The following ENTPD1 variants were observed in gnomAD, a reference collection of about 807,000 sequenced individuals.
ENTPD1 encodes the protein ectonucleoside triphosphate diphosphohydrolase 1.
A neutral mutation model predicts 57.0 loss-of-function variants in ENTPD1; 33 were observed. The ratio of observed to expected loss-of-function variants is 0.58; its 90% confidence interval spans 0.44 to 0.77. The LOEUF is 0.77. ENTPD1 is among the 30% of genes least tolerant of loss of function. The pLI, the probability that ENTPD1 is intolerant of heterozygous loss-of-function variation, is 0.00. For synonymous variants in ENTPD1, 202 were observed against 218.8 expected (o/e 0.92, Z 0.68); for missense variants, 501 against 603.4 (o/e 0.83, Z 1.78).
At position 95,724,757 on chromosome 10, in the gene ENTPD1, G is replaced by A. The variant is rs1057413147; in HGVS notation, c.37+12764G>A. Among the ~76,000 whole-genome samples the A allele has an allele frequency of 5.3e-5, 8 of 152,196 alleles. No homozygotes were observed. The South Asian group carries it at 8.3e-4, about 16-fold the overall frequency. The stretch of plus-strand genomic sequence containing the variant: ...CAAACAGCAGTGGTGGATGGCAAGC[G>A]AAAGCTCAGCTCAAGCCATAACAAA... On this transcript the variant is annotated intron_variant, in intron 1 of 9. Coordinates refer to the ENTPD1 transcript ENST00000453258.
At chr10:95,713,109 G>A (rs559986879) in intron 1 of ENTPD1, among the ~76,000 whole-genome samples, 86 of 151,286 alleles carry the variant, frequency 5.7e-4, no homozygotes, top group African/African-American at 1.9e-3. Flanking sequence ...GTGAATTTTC[G>A]GGGATCATGG....
upstream of ENTPD1, among the ~76,000 whole-genome samples, chr10:95,711,437 G>A (rs1171571980): frequency 6.6e-6 from 1 of 152,184 alleles, no homozygotes; most frequent in Admixed American, 6.5e-5. Context: ...CTACATGGCT[G>A]TTCATACTTG....
intron 1 of ENTPD1, among the ~76,000 whole-genome samples, chr10:95,738,702 A>G (rs1408818224): frequency 3.9e-5 from 6 of 152,222 alleles, no homozygotes; most frequent in Non-Finnish European, 8.8e-5. Flanking sequence ...CAGAAGGGTA[A>G]GATGAGAAAA....
chr10:95,863,638 A>G (rs1443288752), intron 8 of ENTPD1, among the ~76,000 whole-genome samples: 1 of 152,236 alleles, frequency 6.6e-6, no homozygotes, highest in Admixed American at 6.5e-5. Flanking sequence ...AACTGGGGAC[A>G]GGCAAGAACC....
chr10:95,724,403 A>C (rs1423235726), intron 1 of ENTPD1, among the ~76,000 whole-genome samples: 1 of 152,088 alleles, frequency 6.6e-6, no homozygotes, highest in Admixed American at 6.5e-5. Context: ...AGAGCTCCCA[A>C]GATCGTGGGC....
At chr10:95,748,343 T>C (rs980360822) in intron 1 of ENTPD1, among the ~76,000 whole-genome samples, 2 of 152,220 alleles carry the variant, frequency 1.3e-5, no homozygotes, top group African/African-American at 4.8e-5. Context: ...ATACCCCATA[T>C]AACCACTGCA....
Position 95,873,970 on chromosome 10 carries a change from G to A in ENTPD1, c.*7587G>A, listed in dbSNP as rs970778162. 7.9e-5 allele frequency among the ~76,000 whole-genome samples: 12 copies of A among 152,198 alleles called. No individual in the cohort carries two copies. The highest frequency in any genetic ancestry group is 2.1e-4 in the South Asian group (1 of 4,814). On this transcript the variant is annotated 3_prime_UTR_variant, in exon 10 of 10. Transcript: ENST00000371205. Reference sequence around the variant, plus strand: ...CCATGATTCAATTACCTCCCACTGCGTCCCTCCCACAACATGTGGGAATTC... The same window carrying A: ...CCATGATTCAATTACCTCCCACTGCATCCCTCCCACAACATGTGGGAATTC...
At position 95,713,101 on chromosome 10, in the gene ENTPD1, G is replaced by A. The variant is rs149539323; in HGVS notation, c.37+1108G>A. 9.6e-3 allele frequency among the ~76,000 whole-genome samples: 1,457 copies of A among 151,272 alleles called. 20 individuals carry two copies. The highest frequency in any genetic ancestry group is 0.013 in the Non-Finnish European group (858 of 67,900). On this transcript the variant is annotated intron_variant, in intron 1 of 9. Coordinates refer to the ENTPD1 transcript ENST00000453258. ...TGTTATCTTAAGTCTACTTCTCAGT[G>A]AATTTTCGGGGATCATGGAGACTGT...
At chr10:95,834,273 C>G (rs1338488353) in intron 2 of ENTPD1, among the ~76,000 whole-genome samples, 1 of 152,174 alleles carries the variant, frequency 6.6e-6, no homozygotes, top group Non-Finnish European at 1.5e-5. Flanking sequence ...GACCTGCCCT[C>G]ATGTAGCTTA....
intron 2 of ENTPD1, among the ~76,000 whole-genome samples, chr10:95,837,803 A>T (rs1320654357): frequency 1.3e-5 from 2 of 152,060 alleles, no homozygotes; most frequent in Non-Finnish European, 2.9e-5. Flanking sequence ...TTCATAGCAG[A>T]TGATATATAT....
chr10:95,779,632 C>T (rs954558731), intron 1 of ENTPD1, among the ~76,000 whole-genome samples: 10 of 151,890 alleles, frequency 6.6e-5, no homozygotes, highest in African/African-American at 2.4e-4. Flanking sequence ...TCTACTTACT[C>T]CTTTTTAGTT....
rs1191353170 is a variant in ENTPD1, at chr10:95,868,648, T to C, written c.*2265T>C. ...CATAAGGGTGTAAATAGTATTTCCA[T>C]TTTACAAATGAGGATCACACAAACT... On this transcript the variant is annotated 3_prime_UTR_variant, in exon 10 of 10. Coordinates refer to ENST00000371205, the MANE Select transcript of ENTPD1 (RefSeq NM_001776.6). 2.0e-6 allele frequency: 2 copies of C among 980,184 alleles called. No individual in the cohort carries two copies. Among genetic ancestry groups the C allele is most frequent in the Admixed American group, 6.2e-5 (1 of 16,254 alleles). The allele number at this position is 980,184 out of a possible 1,614,324, so 60.7% of individuals were successfully genotyped here. A position where few individuals can be genotyped will look rare whatever the true frequency, so the allele number is the denominator to read the frequency against.
At chr10:95,866,037 T>A (rs543198140) in intron 9 of ENTPD1, 140 bp from the exon 10 acceptor site, 1 of 1,228,680 alleles carries the variant, frequency 8.1e-7, no homozygotes, top group African/African-American at 1.5e-5. Context: ...AGTGCTGAGA[T>A]TACAGGCATG....
At chr10:95,754,129 T>G (rs1288397861), upstream of ENTPD1, 1 of 151,702 alleles carries the variant, frequency 6.6e-6, no homozygotes, top group Non-Finnish European at 1.5e-5. Context: ...ACCAACATGG[T>G]GAAACCCCAT....
At chr10:95,806,749 C>T in intron 1 of ENTPD1, among the ~76,000 whole-genome samples, 1 of 152,226 alleles carries the variant, frequency 6.6e-6, no homozygotes, top group Non-Finnish European at 1.5e-5. Context: ...TCAGGCCCCT[C>T]TGCTGCAGGT....
intron 1 of ENTPD1, among the ~76,000 whole-genome samples, chr10:95,727,539 G>T (rs1291098259): frequency 3.9e-5 from 6 of 152,176 alleles, no homozygotes; most frequent in Non-Finnish European, 7.4e-5. Flanking sequence ...GACTCAAGAT[G>T]TGCCGTGGGA....
rs1306012371 is a variant in ENTPD1 at position 95,867,672 on chromosome 10, A to G, written c.*1289A>G. 4.1e-6 allele frequency: 4 copies of G among 985,218 alleles called. No homozygotes were observed. Among genetic ancestry groups the G allele is most frequent in the Non-Finnish European group, 1.2e-6 (1 of 829,936 alleles). 61.0% of individuals were successfully genotyped at this position (985,218 alleles called of 1,614,324 possible). ...CCATGGAAACATGAAGAGACCCTGC[A>G]CCCCTTTCCTTAAGGATTGCTGCAA... On this transcript the variant is annotated 3_prime_UTR_variant, in exon 10 of 10. Transcript: ENST00000371205.
intron 7 of ENTPD1, among the ~76,000 whole-genome samples, chr10:95,859,300 G>T (rs574603039): frequency 6.6e-6 from 1 of 152,282 alleles, no homozygotes; most frequent in South Asian, 2.1e-4. Context: ...TGGGATCTCT[G>T]CTACCTCCTG....
intron 3 of ENTPD1, among the ~76,000 whole-genome samples, chr10:95,841,978 G>A (rs2098423562): frequency 6.6e-6 from 1 of 152,180 alleles, no homozygotes. Flanking sequence ...GTTATCTTTA[G>A]GTCTTTTAGG....
Sources: allele counts gnomAD v4.1 joint callset (sites outside exome capture counted in the v4.1 genomes callset), GRCh38; gene constraint gnomAD v4.1.1; transcripts MANE v1.5; gene names NCBI Gene and HGNC (gene_info 2026-07-23, HGNC 2026-07-21).